SACS: variants seen among roughly 807,000 people sequenced by gnomAD.
SACS encodes the protein sacsin molecular chaperone.
Under a neutral mutation model 348.0 loss-of-function variants are expected in SACS, and 197 were observed. The observed-to-expected ratio is 0.57, with a 90% CI of 0.50 to 0.64. SACS has a LOEUF of 0.64. SACS is among the 30% of genes least tolerant of loss of function. The pLI, the probability that SACS is intolerant of heterozygous loss-of-function variation, is 0.00. For synonymous variants in SACS, 1,985 were observed against 1,910.6 expected, an observed-to-expected ratio of 1.04 and a Z score of -1.02; for missense variants, 4,999 against 5,360.8, an observed-to-expected ratio of 0.93 and a Z score of 2.11.
chr13:23,393,748 A>T (rs1180202376), intron 2 of SACS, among the ~76,000 whole-genome samples: 2 of 151,956 alleles, frequency 1.3e-5, no homozygotes, highest in Non-Finnish European at 2.9e-5. Flanking sequence ...TATTCTTGGT[A>T]TTCTTTTTTT....
At chr13:23,385,356 TG>T (rs1242196689) in intron 2 of SACS, among the ~76,000 whole-genome samples, 21 of 151,324 alleles carry the variant, frequency 1.4e-4, no homozygotes, top group South Asian at 4.2e-4. Flanking sequence ...GAATCATGGA[TG>T]TTCTTTTTTT....
rs942209831 is a variant in SACS, at chr13:23,329,253, GT to G, written c.*882del. 2,550 of 446,522 alleles carry G rather than the reference GT, an allele frequency of 5.7e-3. No individual in the cohort carries two copies. The highest frequency in any genetic ancestry group is 0.011 in the South Asian group (286 of 26,368). The allele number at this position is 446,522 out of a possible 1,614,324, so 27.7% of individuals were successfully genotyped here. A position where few individuals can be genotyped will look rare whatever the true frequency, so the allele number is the denominator to read the frequency against. ...ACATGCCATATTGAAAGAAAAGGTT[GT>G]TTTTTTTTTAACTGCAGCACCTTTA... On this transcript the variant is annotated 3_prime_UTR_variant, in exon 10 of 10. Coordinates refer to ENST00000382292, the MANE Select transcript of SACS (RefSeq NM_014363.6).
chr13:23,338,433 A>C lies in SACS; in HGVS notation c.5443T>G (p.Cys1815Gly). The change falls in exon 10 of 10, where the codon TGT (cysteine) becomes GGT (glycine). Residue 1815 changes from cysteine (C) to glycine (G), a missense_variant. Physicochemically the swap from Cys to Gly is radical, Grantham distance 159. Transcript: ENST00000382292. ...SDELSQKTVECTTWLLCTCMD... is the reference protein window; with the variant it reads ...SDELSQKTVEGTTWLLCTCMD... ...CAAGTACACAGAAGCCACGTGGTAC[A>C]CTCTACTGTTTTCTGTGACAACTCA... The C allele has an allele frequency of 6.2e-7, 1 of 1,613,942 alleles. No homozygotes were observed. The highest frequency in any genetic ancestry group is 8.5e-7 in the Non-Finnish European group (1 of 1,179,982).
At chr13:23,351,555 T>C (rs1486078570) in intron 9 of SACS, among the ~76,000 whole-genome samples, 1 of 152,230 alleles carries the variant, frequency 6.6e-6, no homozygotes, top group Non-Finnish European at 1.5e-5. Context: ...GATGTGGCTT[T>C]AGCCTTCTGC....
chr13:23,341,344 T>C lies in SACS; in HGVS notation c.2532A>G (p.Val844=), dbSNP rs756542648. 6.2e-7 allele frequency: 1 copy of C among 1,605,508 alleles called. No homozygotes were observed. The highest frequency in any genetic ancestry group is 1.1e-5 in the South Asian group (1 of 89,464). The part of the protein sequence containing the change: ...AQLPEFLADI[V]QKLGGFVLKK... ...TAAGGACAAACCCTCCAAGTTTTTG[T>C]ACAATGTCTGCTAAAAATTCTGGAA... Residue 844 remains valine (V), a synonymous_variant, in exon 10 of 10, where the codon GTA becomes GTG. Transcript: ENST00000382292.
chr13:23,413,011 C>T (rs1021358402), intron 1 of SACS, among the ~76,000 whole-genome samples: 1 of 152,128 alleles, frequency 6.6e-6, no homozygotes, highest in Non-Finnish European at 1.5e-5. Context: ...GAGTTTCGCT[C>T]TTTTTGCCTA....
rs1869212002 is a variant in SACS, at chr13:23,341,438, G to C, written c.2438C>G (p.Thr813Arg). ...IPRTILEEGQ[T>R]CVELIRLRIP... is the part of the protein sequence containing the mutation. ...CCTGAGTCTAATGAGTTCCACACAT[G>C]TCTGACCTTCCTCTAGTATAGTTCT... Residue 813 changes from threonine (T) to arginine (R), a missense_variant, in exon 10 of 10, where the codon ACA (threonine) becomes AGA (arginine). Thr to Arg is a moderately conservative substitution (Grantham distance 71, BLOSUM62 -1). Coordinates refer to ENST00000382292, the MANE Select transcript of SACS (RefSeq NM_014363.6). The C allele has an allele frequency of 6.2e-7, 1 of 1,614,004 alleles. No homozygotes were observed. Among genetic ancestry groups the C allele is most frequent in the East Asian group, 2.2e-5 (1 of 44,868 alleles).
intron 2 of SACS, among the ~76,000 whole-genome samples, chr13:23,392,714 T>C (rs1473157881): frequency 1.3e-5 from 2 of 152,190 alleles, no homozygotes; most frequent in African/African-American, 2.4e-5. Context: ...GCTCTTTCCA[T>C]TACACAATTT....
rs2137815590 is a variant in SACS at position 23,371,127 on chromosome 13, T to C, written c.210A>G (p.Lys70=). The change falls in exon 4 of 10, where the codon AAA becomes AAG. Residue 70 remains lysine (K), a synonymous_variant. Coordinates refer to ENST00000382292, the MANE Select transcript of SACS (RefSeq NM_014363.6). Reference sequence around the variant, plus strand: ...GAAGGTTTACAAAAAGATGACAATTTTTGGAAGTCAGATCTCCAATCTTGA... The same window carrying C: ...GAAGGTTTACAAAAAGATGACAATTCTTGGAAGTCAGATCTCCAATCTTGA... The part of the protein sequence containing the change: ...DWIKIGDLTS[K]NCHLFVNLQS... 1 of 1,612,194 alleles carries C rather than the reference T, an allele frequency of 6.2e-7. No individual in the cohort carries two copies. Among genetic ancestry groups the C allele is most frequent in the Admixed American group, 1.7e-5 (1 of 59,936 alleles).
chr13:23,384,774 T>G (rs552712559), intron 2 of SACS, among the ~76,000 whole-genome samples: 8 of 152,334 alleles, frequency 5.3e-5, no homozygotes, highest in South Asian at 4.1e-4. Flanking sequence ...TTTCATTTTT[T>G]GGGCCAAAAT....
chr13:23,401,078 GA>G (rs1439603699), intron 2 of SACS, among the ~76,000 whole-genome samples: 1 of 152,126 alleles, frequency 6.6e-6, no homozygotes, highest in African/African-American at 2.4e-5. Context: ...GAAGTTCCTA[GA>G]AAATGTGTCA....
At chr13:23,405,556 G>T (rs1045569834) in intron 2 of SACS, among the ~76,000 whole-genome samples, 1 of 152,044 alleles carries the variant, frequency 6.6e-6, no homozygotes, top group African/African-American at 2.4e-5. Context: ...TGACAAATGG[G>T]GTCTAATTAA....
intron 9 of SACS, among the ~76,000 whole-genome samples, chr13:23,351,615 TTC>T (rs1380300753): frequency 1.3e-5 from 2 of 152,208 alleles, no homozygotes; most frequent in Non-Finnish European, 2.9e-5. Context: ...TCCATTAAAC[TTC>T]TTTTTATTTA....
At position 23,334,264 on chromosome 13, in the gene SACS, T is replaced by C; in HGVS notation, c.9612A>G (p.Lys3204=). The change falls in exon 10 of 10, where the codon AAA becomes AAG. Residue 3204 remains lysine, a synonymous_variant. Transcript: ENST00000382292. ...TGGAAATGTCAAACACTTTTGCAACTTTACAGTTCAATAAAATATTACTAT... is the reference window on the plus strand; with the variant it reads ...TGGAAATGTCAAACACTTTTGCAACCTTACAGTTCAATAAAATATTACTAT... ...LKYSNILLNC[K]VAKVFDISSF... 1 of 1,610,990 alleles carries C rather than the reference T, an allele frequency of 6.2e-7. No homozygotes were observed. The highest frequency in any genetic ancestry group is 8.5e-7 in the Non-Finnish European group (1 of 1,178,330).
intron 2 of SACS, among the ~76,000 whole-genome samples, chr13:23,398,465 C>T (rs150204734): frequency 0.025 from 3,414 of 139,166 alleles, 70 homozygotes; most frequent in South Asian, 0.035. Context: ...ACCAAGGAGG[C>T]AAAGGTTGCA....
At chr13:23,423,472 T>C (rs1874039829) in intron 1 of SACS, among the ~76,000 whole-genome samples, 1 of 152,200 alleles carries the variant, frequency 6.6e-6, no homozygotes, top group Non-Finnish European at 1.5e-5. Context: ...GATGCACTGT[T>C]TTATATCACT....
intron 6 of SACS, among the ~76,000 whole-genome samples, chr13:23,361,262 G>A (rs893756656): frequency 6.6e-6 from 1 of 152,172 alleles, no homozygotes; most frequent in African/African-American, 2.4e-5. Context: ...GAAGTCGGGG[G>A]CAGGAAGAAT....
At chr13:23,403,254 T>A (rs1437739840) in intron 2 of SACS, among the ~76,000 whole-genome samples, 1 of 152,162 alleles carries the variant, frequency 6.6e-6, no homozygotes, top group East Asian at 1.9e-4. Flanking sequence ...CAGGTTTTGG[T>A]ATCAGGATGA....
Position 23,333,288 on chromosome 13 carries a change from C to T in SACS, c.10588G>A (p.Ala3530Thr). 6.2e-7 allele frequency: 1 copy of T among 1,605,338 alleles called. No individual in the cohort carries two copies. Among genetic ancestry groups the T allele is most frequent in the Non-Finnish European group, 8.5e-7 (1 of 1,177,338 alleles). The change falls in exon 10 of 10, where the codon GCT (alanine) becomes ACT (threonine). Residue 3530 changes from alanine (A) to threonine (T), a missense_variant. Coordinates refer to ENST00000382292, the MANE Select transcript of SACS (RefSeq NM_014363.6). Reference protein sequence around the residue: ...KLESLLIIHDANSRLKQAKHF... With the variant: ...KLESLLIIHDTNSRLKQAKHF... ...TTTGCTTGCTTTAGTCTACTGTTAG[C>T]ATCATGGATTATCAATAAACTTTCC...
Sources: allele counts gnomAD v4.1 joint callset (sites outside exome capture counted in the v4.1 genomes callset), GRCh38; gene constraint gnomAD v4.1.1; transcripts MANE v1.5; gene names NCBI Gene and HGNC (gene_info 2026-07-23, HGNC 2026-07-21).